Variants in LAT2 observed in about 807,000 individuals in gnomAD.
LAT2 encodes linker for activation of T-cells family member 2.
Under a neutral mutation model 43.4 loss-of-function variants are expected in LAT2, and 23 were observed. The ratio of observed to expected loss-of-function variants is 0.53; its 90% CI spans 0.38 to 0.75. LAT2 has a LOEUF of 0.75. Among genes scored for constraint, LAT2 ranks in the 30% least tolerant of loss-of-function variants. The pLI is 0.00. For synonymous variants in LAT2, 128 were observed against 123.2 expected (o/e 1.04, Z -0.26); for missense variants, 284 against 310.2 (o/e 0.92, Z 0.64).
intron 1 of LAT2, among the ~76,000 whole-genome samples, chr7:74,211,626 T>G (rs1449849877): frequency 1.3e-5 from 2 of 151,622 alleles, no homozygotes; most frequent in Non-Finnish European, 2.9e-5. Context: ...ACCGGCTAAT[T>G]TTTTGTATTT....
intron 13 of LAT2, among the ~76,000 whole-genome samples, chr7:74,227,151 C>A (rs1554716229): frequency 1.3e-5 from 2 of 151,240 alleles, no homozygotes; most frequent in Non-Finnish European, 2.9e-5. Flanking sequence ...AAGCGATGCT[C>A]CTGCCTCAGC....
At chr7:74,213,454 T>C (rs1801804890) in intron 1 of LAT2, among the ~76,000 whole-genome samples, 1 of 117,230 alleles carries the variant, frequency 8.5e-6, no homozygotes. Context: ...AGATGGAGTC[T>C]CGCTCTGTTG....
chr7:74,212,192 G>T (rs1226693539), intron 1 of LAT2, among the ~76,000 whole-genome samples: 1 of 151,986 alleles, frequency 6.6e-6, no homozygotes, highest in Non-Finnish European at 1.5e-5. Context: ...CGATCCTCCT[G>T]TCTCGGCCTC....
chr7:74,211,553 G>C (rs570039314), intron 1 of LAT2, among the ~76,000 whole-genome samples: 1 of 152,058 alleles, frequency 6.6e-6, no homozygotes, highest in Non-Finnish European at 1.5e-5. Flanking sequence ...CACCTCCCGG[G>C]TACATGCCAT....
In LAT2 at chr7:74,220,776, C is replaced by T; in HGVS notation, c.332+42C>T. On this transcript the variant is annotated intron_variant, in intron 9 of 13. Transcript: ENST00000460943. This position sits in a 1 kb window ranked among gnomAD's most constrained non-coding sequence, Gnocchi z 4.5. Reference sequence around the variant, plus strand: ...CTGTCCCCCCTGCCTCGCCTCTCCCCCTGCCCCACCTCTCCCCCTGCCCCA... The same window carrying T: ...CTGTCCCCCCTGCCTCGCCTCTCCCTCTGCCCCACCTCTCCCCCTGCCCCA... 6.9e-7 allele frequency: 1 copy of T among 1,443,362 alleles called. No individual in the cohort carries two copies. Among genetic ancestry groups the T allele is most frequent in the Non-Finnish European group, 9.2e-7 (1 of 1,085,744 alleles). 89.4% of individuals were successfully genotyped at this position (1,443,362 alleles called of 1,614,324 possible).
chr7:74,222,475 G>A (rs1474863030), intron 10 of LAT2, among the ~76,000 whole-genome samples: 1 of 151,930 alleles, frequency 6.6e-6, no homozygotes, highest in Non-Finnish European at 1.5e-5. Flanking sequence ...GAGGTGCATG[G>A]GCCTGCGGTT....
Position 74,210,951 on chromosome 7 carries a change from G to A in LAT2, c.-219+863G>A, listed in dbSNP as rs148533919. Among the ~76,000 whole-genome samples the A allele has an allele frequency of 1.4e-3, 207 of 152,140 alleles. 5 individuals are homozygous for A. In the East Asian group the frequency reaches 0.034, roughly 25 times the overall value. ...CAGCTCGGAGAAGGCTGGGAGAACCGGCAGGGTGGTCTCGAGCGTCCTTCC... is the reference window on the plus strand; with the variant it reads ...CAGCTCGGAGAAGGCTGGGAGAACCAGCAGGGTGGTCTCGAGCGTCCTTCC... On this transcript the variant is annotated intron_variant, in intron 1 of 13. Transcript: ENST00000460943.
chr7:74,222,417 C>A (rs1344637348), intron 10 of LAT2, among the ~76,000 whole-genome samples: 1 of 150,838 alleles, frequency 6.6e-6, no homozygotes, highest in Non-Finnish European at 1.5e-5. Context: ...AAAAAAAATC[C>A]CCCCAAAAAA....
rs782798777 is a variant in LAT2 at position 74,224,113 on chromosome 7, G to A, written c.544G>A (p.Ala182Thr). 1 of 1,614,162 alleles carries A rather than the reference G, an allele frequency of 6.2e-7. No individual in the cohort carries two copies. Among genetic ancestry groups the A allele is most frequent in the Admixed American group, 1.7e-5 (1 of 60,024 alleles). ...CCCCACTTCTGGTCTCTGTCCCTCT[G>A]CCTCCCCGGAAGAAGATGAGGAATC... ...TGPTSGLCPSASPEEDEESED... is the reference protein window; with the variant it reads ...TGPTSGLCPSTSPEEDEESED... The change falls in exon 12 of 14, where the codon GCC becomes ACC. Residue 182 changes from alanine to threonine, a missense_variant. By Grantham distance (58) the Ala-to-Thr change is moderately conservative. Transcript: ENST00000460943.
chr7:74,214,417 AAT>A (rs1408844551), intron 1 of LAT2, among the ~76,000 whole-genome samples: 2 of 56,666 alleles, frequency 3.5e-5, no homozygotes, highest in Admixed American at 3.3e-4. Context: ...TATATATATA[AAT>A]ATATATATAT....
intron 1 of LAT2, among the ~76,000 whole-genome samples, chr7:74,213,267 A>G (rs1801792904): frequency 6.7e-6 from 1 of 149,998 alleles, no homozygotes; most frequent in Non-Finnish European, 1.5e-5. Flanking sequence ...ACAGGCGCCC[A>G]CCACCACACC....
At chr7:74,216,895 T>C (rs1802066975) in intron 4 of LAT2, 31 bp downstream of exon 4, 1 of 1,599,950 alleles carries the variant, frequency 6.3e-7, no homozygotes, top group African/African-American at 1.3e-5. Flanking sequence ...TAGCCTGGTG[T>C]ATTCATGTGC....
chr7:74,212,273 TTTATTA>T (rs527983800), intron 1 of LAT2, among the ~76,000 whole-genome samples: 3 of 150,846 alleles, frequency 2.0e-5, no homozygotes, highest in African/African-American at 4.9e-5. Context: ...ATTTATTTAA[TTTATTA>T]TTATTATTAT....
At chr7:74,224,541 G>C in intron 12 of LAT2, 98 bp from the exon 13 acceptor site, 3 of 1,029,834 alleles carry the variant, frequency 2.9e-6, no homozygotes, top group Non-Finnish European at 4.4e-6. Context: ...CATTTCCCGC[G>C]GGCTGTTTTG....
In LAT2 at chr7:74,224,177, G is replaced by T. The variant is rs782029314; in HGVS notation, c.608G>T (p.Arg203Leu). The change falls in exon 12 of 14, where the codon CGC (arginine) becomes CTC (leucine). Residue 203 changes from arginine (R) to leucine (L), a missense_variant. Physicochemically the swap from Arg to Leu is moderately radical, Grantham distance 102. Coordinates refer to ENST00000460943, the MANE Select transcript of LAT2 (RefSeq NM_032464.3). ...AACTCAGCATCCATCCATCAGTGGC[G>T]CGAGTCCAGGAAGGTCATGGGTAGG... is the stretch of plus-strand genomic sequence containing the variant. ...YQNSASIHQW[R>L]ESRKVMGQLQ... 6.2e-7 allele frequency: 1 copy of T among 1,613,836 alleles called. No individual in the cohort carries two copies. Among genetic ancestry groups the T allele is most frequent in the South Asian group, 1.1e-5 (1 of 91,084 alleles).
Position 74,220,472 on chromosome 7 carries a change from C to T in LAT2, c.266-112C>T. 2 of 1,432,176 alleles carry T rather than the reference C, an allele frequency of 1.4e-6. No homozygotes were observed. Among genetic ancestry groups the T allele is most frequent in the South Asian group, 1.2e-5 (1 of 85,264 alleles). 88.7% of individuals were successfully genotyped at this position (1,432,176 alleles called of 1,614,324 possible). A position where few individuals can be genotyped will look rare whatever the true frequency, so the allele number is the denominator to read the frequency against. ...TGCCCCACTGAGGGGACAGGGAGCA[C>T]TGCAAAGGCTCAGACACGGGAAATA... On this transcript the variant is annotated intron_variant, in intron 7 of 13. Coordinates refer to ENST00000460943, the MANE Select transcript of LAT2 (RefSeq NM_032464.3). The surrounding 1 kb of genome is among the most constrained non-coding windows in gnomAD (Gnocchi z 4.5).
At position 74,224,690 on chromosome 7, in the gene LAT2, A is replaced by T. The variant is rs782537912; in HGVS notation, c.680A>T (p.Glu227Val). The change falls in exon 13 of 14, where the codon GAG becomes GTG. Residue 227 changes from glutamate (E) to valine (V), a missense_variant. Coordinates refer to ENST00000460943, the MANE Select transcript of LAT2 (RefSeq NM_032464.3). Reference protein sequence around the residue: ...SPGPVGSPDEEDGEPDYVNGE... With the variant: ...SPGPVGSPDEVDGEPDYVNGE... ...GGCCCGGTGGGAAGCCCAGACGAGG[A>T]GGACGGGGAACCGGATTACGTGAAT... The T allele has an allele frequency of 6.2e-7, 1 of 1,608,904 alleles. No individual in the cohort carries two copies. The highest frequency in any genetic ancestry group is 1.1e-5 in the South Asian group (1 of 89,908).
intron 4 of LAT2, among the ~76,000 whole-genome samples, chr7:74,218,993 G>A (rs146499079): frequency 8.8e-5 from 13 of 147,034 alleles, no homozygotes; most frequent in African/African-American, 2.0e-4. Context: ...CCACCATGCC[G>A]GGTCTAGAGT....
chr7:74,229,261 C>A lies in LAT2; in HGVS notation c.*336C>A, dbSNP rs1802603871. 1 of 152,508 alleles carries A rather than the reference C, an allele frequency of 6.6e-6. No individual in the cohort carries two copies. Among genetic ancestry groups the A allele is most frequent in the African/African-American group, 2.4e-5 (1 of 41,456 alleles). The allele number at this position is 152,508 out of a possible 1,614,324, so 9.4% of individuals were successfully genotyped here. A position where few individuals can be genotyped will look rare whatever the true frequency, so the allele number is the denominator to read the frequency against. On this transcript the variant is annotated 3_prime_UTR_variant, in exon 14 of 14. Transcript: ENST00000460943. ...CTGTCACCCAGTCCCCATAACAAAA[C>A]CACTGTCCAACACTGGTATCTGTGT...
Sources: gnomAD v4.1 joint callset for allele counts (sites outside exome capture counted in the v4.1 genomes callset) on GRCh38, gnomAD v4.1.1 for gene constraint, Gnocchi (gnomAD v3.1) non-coding constraint, MANE v1.5 for transcripts, NCBI Gene and HGNC (gene_info 2026-07-23, HGNC 2026-07-21) for gene names.